The following ZNF469 variants were observed in gnomAD, a reference collection of about 807,000 sequenced individuals.
The protein encoded by ZNF469 is zinc finger protein 469.
A neutral mutation model predicts 1.0 loss-of-function variants in ZNF469; 1 was observed. The ratio of observed to expected loss-of-function variants is 1.00; its 90% CI spans 0.35 to 4.73. The LOEUF is 4.73. Among genes scored for constraint, ZNF469 ranks in the 30% most tolerant of loss-of-function variants. ZNF469 has a pLI of 0.16. For synonymous variants in ZNF469, 2,703 were observed against 2,363.4 expected, an observed-to-expected ratio of 1.14 and a Z score of -4.17; for missense variants, 6,100 against 5,356.3, an observed-to-expected ratio of 1.14 and a Z score of -4.33.
chr16:88,270,781 G>A, the ZNF469 span, among the ~76,000 whole-genome samples: 1 of 152,266 alleles, frequency 6.6e-6, no homozygotes, highest in African/African-American at 2.4e-5. Context: ...GAACACTTCT[G>A]TGTGGTGTTC....
At chr16:88,215,406 TGAGACAGAGTCTCAC>T in the ZNF469 span, among the ~76,000 whole-genome samples, 1 of 145,010 alleles carries the variant, frequency 6.9e-6, no homozygotes, top group Non-Finnish European at 1.5e-5. Flanking sequence ...TTTTTTTTTT[TGAGACAGAGTCTCAC>T]TCTTGTCACC....
chr16:88,197,164 T>C, the ZNF469 span, among the ~76,000 whole-genome samples: 3 of 152,186 alleles, frequency 2.0e-5, no homozygotes, highest in African/African-American at 7.2e-5. Flanking sequence ...CCTACCCTTC[T>C]AGCCTTCGGA....
chr16:88,174,716 A>G, the ZNF469 span, among the ~76,000 whole-genome samples: 32 of 148,860 alleles, frequency 2.1e-4, no homozygotes, highest in African/African-American at 8.0e-4. Flanking sequence ...AATAGTAAAT[A>G]TGTTTTCTCT....
At chr16:88,158,987 C>T in the ZNF469 span, among the ~76,000 whole-genome samples, 1 of 152,130 alleles carries the variant, frequency 6.6e-6, no homozygotes, top group Non-Finnish European at 1.5e-5. Context: ...GTGGGGCTTC[C>T]TATGGGGTGG....
At chr16:88,265,349 C>T in the ZNF469 span, among the ~76,000 whole-genome samples, 1 of 152,170 alleles carries the variant, frequency 6.6e-6, no homozygotes, top group Admixed American at 6.5e-5. Flanking sequence ...CCCCTAGCAC[C>T]ACTCGCAGGC....
At chr16:88,341,021 C>T in the ZNF469 span, among the ~76,000 whole-genome samples, 2 of 152,178 alleles carry the variant, frequency 1.3e-5, no homozygotes, top group Admixed American at 6.5e-5. Context: ...CCTCGCAGAG[C>T]TCCTGGCCCC....
At chr16:88,184,108 G>A in the ZNF469 span, among the ~76,000 whole-genome samples, 6 of 152,000 alleles carry the variant, frequency 3.9e-5, no homozygotes, top group Non-Finnish European at 7.4e-5. Flanking sequence ...CCCGGGCTGG[G>A]ATCTGCACTG....
the ZNF469 span, among the ~76,000 whole-genome samples, chr16:88,124,785 T>C: frequency 6.6e-6 from 1 of 152,140 alleles, no homozygotes; most frequent in Non-Finnish European, 1.5e-5. Context: ...GGTTTCTCCA[T>C]ATTGGCCAGG....
At chr16:88,358,512 T>C in the ZNF469 span, among the ~76,000 whole-genome samples, 1 of 151,956 alleles carries the variant, frequency 6.6e-6, no homozygotes, top group South Asian at 2.1e-4. Flanking sequence ...GAATCCTCCC[T>C]AGAGGCAGCC....
At chr16:88,315,569 G>C in the ZNF469 span, among the ~76,000 whole-genome samples, 1 of 152,216 alleles carries the variant, frequency 6.6e-6, no homozygotes, top group African/African-American at 2.4e-5. Flanking sequence ...CTTTGCAGAG[G>C]AGGGAGCAGG....
chr16:88,259,495 T>C, the ZNF469 span, among the ~76,000 whole-genome samples: 1 of 152,260 alleles, frequency 6.6e-6, no homozygotes, highest in East Asian at 1.9e-4. This position sits in a 1 kb window ranked among gnomAD's most constrained non-coding sequence, Gnocchi z 4.1. Context: ...CAGAAGGCTG[T>C]GGTCTTCTGT....
At chr16:88,109,140 C>A in the ZNF469 span, among the ~76,000 whole-genome samples, 1 of 152,182 alleles carries the variant, frequency 6.6e-6, no homozygotes, top group Non-Finnish European at 1.5e-5. Context: ...GCCGTGTCAC[C>A]CCACGTAATG....
At position 88,430,793 on chromosome 16, in the gene ZNF469, G is replaced by T; in HGVS notation, c.3323G>T (p.Gly1108Val). ...SEEDEQPPPR[G>V]PGFRGRRGRG... ...GAGGACGAGCAGCCTCCGCCGCGGG[G>T]CCCCGGCTTCAGAGGCCGGCGGGGC... Residue 1108 changes from glycine to valine, a missense_variant, in exon 3 of 3, where the codon GGC becomes GTC. Gly to Val is a moderately radical substitution (Grantham distance 109, BLOSUM62 -3). Coordinates refer to ENST00000565624, the MANE Select transcript of ZNF469 (RefSeq NM_001367624.2). 3 of 1,527,892 alleles carry T rather than the reference G, an allele frequency of 2.0e-6. No individual in the cohort carries two copies. The highest frequency in any genetic ancestry group is 2.6e-6 in the Non-Finnish European group (3 of 1,143,828). The allele number at this position is 1,527,892 out of a possible 1,614,324, so 94.6% of individuals were successfully genotyped here.
chr16:88,149,696 G>A, the ZNF469 span, among the ~76,000 whole-genome samples: 11 of 152,108 alleles, frequency 7.2e-5, no homozygotes, highest in African/African-American at 2.7e-4. Flanking sequence ...AGCAGCTCCC[G>A]GAGACACGGA....
At chr16:88,377,406 G>C in the ZNF469 span, among the ~76,000 whole-genome samples, 1 of 152,228 alleles carries the variant, frequency 6.6e-6, no homozygotes, top group African/African-American at 2.4e-5. Flanking sequence ...GTGAGCCGGT[G>C]TGTATGGCCT....
the ZNF469 span, among the ~76,000 whole-genome samples, chr16:88,173,214 C>A: frequency 1.5e-4 from 23 of 151,982 alleles, no homozygotes; most frequent in African/African-American, 5.3e-4. Context: ...ATCTTAGAAG[C>A]AGCCAGATAA....
At chr16:88,332,361 C>T in the ZNF469 span, among the ~76,000 whole-genome samples, 1 of 152,190 alleles carries the variant, frequency 6.6e-6, no homozygotes, top group Non-Finnish European at 1.5e-5. Context: ...TGCCTGAGGC[C>T]TGGAAGCACC....
At chr16:88,331,789 C>G in the ZNF469 span, among the ~76,000 whole-genome samples, 802 of 152,260 alleles carry the variant, frequency 5.3e-3, 1 homozygote, top group South Asian at 0.02. Context: ...CCATCATCAT[C>G]ACCACCATCA....
the ZNF469 span, among the ~76,000 whole-genome samples, chr16:88,333,757 C>T: frequency 6.8e-6 from 1 of 148,106 alleles, no homozygotes; most frequent in African/African-American, 2.4e-5. Context: ...TAGTAAAGAT[C>T]CCGAGGAGAA....
Sources: gnomAD v4.1 joint callset for allele counts (sites outside exome capture counted in the v4.1 genomes callset) on GRCh38, gnomAD v4.1.1 for gene constraint, Gnocchi (gnomAD v3.1) non-coding constraint, MANE v1.5 for transcripts, NCBI Gene and HGNC (gene_info 2026-07-23, HGNC 2026-07-21) for gene names.